The following SPATA24 variants were observed in gnomAD, a reference collection of about 807,000 sequenced individuals.
SPATA24 encodes spermatogenesis associated 24, also known as spermatogenesis-associated protein 24.
SPATA24 carries 21 observed loss-of-function variants against 28.9 expected under a neutral mutation model. The ratio of observed to expected loss-of-function variants is 0.73; its 90% confidence interval spans 0.52 to 1.05. SPATA24 has a LOEUF of 1.05. Among genes scored for constraint, SPATA24 ranks in the 50% least tolerant of loss-of-function variants. The pLI is 0.00. For missense variants in SPATA24, 215 were observed against 242.9 expected (o/e 0.88, Z 0.76); for synonymous variants, 76 against 89.9 (o/e 0.85, Z 0.88).
chr5:139,394,384 C>A (rs979367787), downstream of SPATA24: 1 of 1,399,140 alleles, frequency 7.1e-7, no homozygotes, highest in Non-Finnish European at 9.2e-7. Context: ...GGAACCGGTG[C>A]GCAGGAGCAG....
At position 139,397,061 on chromosome 5, in the gene SPATA24, G is replaced by A. The variant is rs777627202; in HGVS notation, c.468C>T (p.Ser156=). The change falls in exon 5 of 6, where the codon AGC becomes AGT. Residue 156 remains serine (S), a synonymous_variant. Coordinates refer to ENST00000450845, the MANE Select transcript of SPATA24 (RefSeq NM_194296.2). The part of the protein sequence containing the change: ...NEIKELQQVI[S]QQKQIFRNHM... The stretch of plus-strand genomic sequence containing the variant: ...CTCACCTGAAGATCTGTTTCTGCTG[G>A]CTGATAACTTGCTGCAACTCTTTAA... 5 of 1,551,780 alleles carry A rather than the reference G, an allele frequency of 3.2e-6. No individual in the cohort carries two copies. The South Asian group carries it at 5.9e-5, about 18-fold the overall frequency.
At chr5:139,403,819 T>G in intron 1 of SPATA24, 125 bp downstream of exon 1, 1 of 795,138 alleles carries the variant, frequency 1.3e-6, no homozygotes, top group South Asian at 1.7e-5. Flanking sequence ...GAGCCCGGCC[T>G]CCTCCTGATG....
downstream of SPATA24, chr5:139,394,996 C>T: frequency 6.7e-7 from 1 of 1,492,070 alleles, no homozygotes. Flanking sequence ...GCCTGACGAA[C>T]CGGAGGAGTC....
downstream of SPATA24, chr5:139,392,765 C>A: frequency 1.4e-6 from 2 of 1,439,338 alleles, no homozygotes; most frequent in Non-Finnish European, 1.8e-6. The surrounding 1 kb of genome is among the most constrained non-coding windows in gnomAD (Gnocchi z 5.8). Flanking sequence ...GTCCGACCGT[C>A]GCCGTCGGGG....
downstream of SPATA24, chr5:139,393,245 C>T: frequency 1.3e-6 from 2 of 1,549,202 alleles, no homozygotes; most frequent in Non-Finnish European, 8.7e-7. Context: ...CGTCCCGAGG[C>T]CGCCTCTCCA....
downstream of SPATA24, chr5:139,394,402 C>T: frequency 7.2e-7 from 1 of 1,388,980 alleles, no homozygotes. Flanking sequence ...CAGCCGGGGG[C>T]GCGGCGCGCC....
In SPATA24 at chr5:139,399,536, T is replaced by C. The variant is rs78550892; in HGVS notation, c.385+2219A>G. ...CCTCCTTCCCAGGCGTCCAGCTAAG[T>C]GGAATTAATTACTTGTGAAGTTCGT... On this transcript the variant is annotated intron_variant, in intron 4 of 5. Coordinates refer to ENST00000450845, the MANE Select transcript of SPATA24 (RefSeq NM_194296.2). 1.3e-3 allele frequency among the ~76,000 whole-genome samples: 200 copies of C among 152,146 alleles called. 5 individuals are homozygous for C. The East Asian group carries it at 0.034, about 26-fold the overall frequency.
chr5:139,400,937 A>T (rs903173046), intron 4 of SPATA24, among the ~76,000 whole-genome samples: 17 of 151,730 alleles, frequency 1.1e-4, no homozygotes, highest in African/African-American at 4.1e-4. Context: ...GTGGGGGATC[A>T]CCTGAGGTCA....
chr5:139,402,271 T>C (rs909661052), intron 2 of SPATA24, among the ~76,000 whole-genome samples: 6 of 151,596 alleles, frequency 4.0e-5, no homozygotes, highest in Admixed American at 1.3e-4. Flanking sequence ...TGGAGTGCAG[T>C]GGCATGATCT....
At chr5:139,403,480 C>T (rs1489980828) in intron 1 of SPATA24, among the ~76,000 whole-genome samples, 2 of 152,324 alleles carry the variant, frequency 1.3e-5, no homozygotes, top group East Asian at 3.9e-4. Flanking sequence ...ATTGAGAAGG[C>T]AAAAGCTAAG....
chr5:139,394,691 C>T (rs1561990044), downstream of SPATA24: 2 of 1,533,892 alleles, frequency 1.3e-6, no homozygotes, highest in East Asian at 2.5e-5. Flanking sequence ...TGTTGTTGCG[C>T]CTCGCGATCG....
chr5:139,392,538 TG>T, downstream of SPATA24: 1 of 1,352,166 alleles, frequency 7.4e-7, no homozygotes, highest in Non-Finnish European at 9.5e-7. This position sits in a 1 kb window ranked among gnomAD's most constrained non-coding sequence, Gnocchi z 5.8. Flanking sequence ...GGGGCTGGGC[TG>T]GGGCCGTCCT....
Position 139,396,835 on chromosome 5 carries a change from G to A in SPATA24, c.583C>T (p.Gln195Ter). ...CTGGGATGCTGGTGGCTGCGGGCCT[G>A]ACGTGTCCCTGAGGCTTTCTTATGC... Reference protein sequence around the residue: ...QKHKKASGTRQARSHQHPREK With the variant: ...QKHKKASGTR Residue 195 changes from glutamine (Q) to a stop codon, truncating the protein, a stop_gained, in exon 6 of 6, where the codon CAG becomes TAG. Transcript: ENST00000450845. LOFTEE classifies it high-confidence loss of function. 6.4e-7 allele frequency: 1 copy of A among 1,551,756 alleles called. No individual in the cohort carries two copies. The highest frequency in any genetic ancestry group is 8.7e-7 in the Non-Finnish European group (1 of 1,147,006).
chr5:139,400,802 A>G (rs1465955636), intron 4 of SPATA24, among the ~76,000 whole-genome samples: 1 of 152,220 alleles, frequency 6.6e-6, no homozygotes, highest in Non-Finnish European at 1.5e-5. Context: ...CTTGGCCTAC[A>G]CGATAGTTTT....
chr5:139,395,407 T>C, downstream of SPATA24: 1 of 287,100 alleles, frequency 3.5e-6, no homozygotes, highest in South Asian at 1.3e-4. Context: ...ACTCCACCTA[T>C]CACAGGTGAG....
chr5:139,395,165 G>A, downstream of SPATA24: 1 of 1,301,638 alleles, frequency 7.7e-7, no homozygotes, highest in Middle Eastern at 2.8e-4. Context: ...GCCCGAGGAT[G>A]CCGTGGGGGT....
intron 4 of SPATA24, among the ~76,000 whole-genome samples, chr5:139,400,457 C>A (rs960872055): frequency 6.6e-6 from 1 of 151,896 alleles, no homozygotes; most frequent in Non-Finnish European, 1.5e-5. Context: ...CAGGTGCCCG[C>A]CACTATGCCC....
chr5:139,404,076 G>A lies in SPATA24; in HGVS notation c.-16C>T. 1.3e-6 allele frequency: 2 copies of A among 1,547,334 alleles called. No individual in the cohort carries two copies. Among genetic ancestry groups the A allele is most frequent in the Non-Finnish European group, 1.7e-6 (2 of 1,143,582 alleles). ...GCGTCGCCATCTTCCGCCCCCGCCA[G>A]CTAGTTGGAAATGGCTGCCTCGGGG... On this transcript the variant is annotated 5_prime_UTR_variant, in exon 1 of 6. Transcript: ENST00000450845.
downstream of SPATA24, chr5:139,392,715 G>A: frequency 1.4e-6 from 2 of 1,399,832 alleles, no homozygotes; most frequent in Admixed American, 3.5e-5. This position sits in a 1 kb window ranked among gnomAD's most constrained non-coding sequence, Gnocchi z 5.8. Context: ...GCCCTACGGG[G>A]GAGCGCTGGG....
Sources: gnomAD v4.1 joint callset for allele counts (sites outside exome capture counted in the v4.1 genomes callset) on GRCh38, gnomAD v4.1.1 for gene constraint, Gnocchi (gnomAD v3.1) non-coding constraint, MANE v1.5 for transcripts, NCBI Gene and HGNC (gene_info 2026-07-23, HGNC 2026-07-21) for gene names.